Variants in HGS observed in about 807,000 individuals in gnomAD.
HGS encodes hepatocyte growth factor-regulated tyrosine kinase substrate.
A neutral mutation model predicts 109.7 loss-of-function variants in HGS; 63 were observed. The observed-to-expected ratio is 0.57, with a 90% CI of 0.47 to 0.71. The LOEUF is 0.71. Ranked by LOEUF, HGS falls within the 30% of genes least tolerant of loss-of-function variation. HGS has a pLI of 0.00. For synonymous variants in HGS, 546 were observed against 437.3 expected (o/e 1.25, Z -3.10); for missense variants, 995 against 1,068.3 (o/e 0.93, Z 0.96).
chr17:81,688,692 C>T lies in HGS; in HGVS notation c.292-12C>T. The T allele has an allele frequency of 1.2e-6, 2 of 1,613,352 alleles. No individual in the cohort carries two copies. Among genetic ancestry groups the T allele is most frequent in the Non-Finnish European group, 1.7e-6 (2 of 1,179,710 alleles). ...TGTCCTGCGACCCTCACCCCCTTCT[C>T]CCTGCCTGCAGAGACAAGTGGAGGT... On this transcript the variant is annotated splice_polypyrimidine_tract_variant and intron_variant, in intron 4 of 21. Coordinates refer to ENST00000329138, the MANE Select transcript of HGS (RefSeq NM_004712.5).
In HGS at chr17:81,696,809, C is replaced by CT. The variant is rs746775345; in HGVS notation, c.1708-14dup. On this transcript the variant is annotated splice_polypyrimidine_tract_variant and intron_variant, in intron 17 of 21. Coordinates refer to ENST00000329138, the MANE Select transcript of HGS (RefSeq NM_004712.5). ...GCTGAGGACCAACTCTCACCGCTGTCTCTTTTGTCCCCAGCTCCAGGCCAT... is the reference window on the plus strand; with the variant it reads ...GCTGAGGACCAACTCTCACCGCTGTCTTCTTTTGTCCCCAGCTCCAGGCCAT... 7.9e-5 allele frequency: 126 copies of CT among 1,603,652 alleles called. No individual in the cohort carries two copies. Among genetic ancestry groups the CT allele is most frequent in the Non-Finnish European group, 1.1e-4 (125 of 1,173,366 alleles).
chr17:81,689,344 CG>C (rs972675316), intron 5 of HGS, among the ~76,000 whole-genome samples: 8 of 152,210 alleles, frequency 5.3e-5, no homozygotes, highest in Admixed American at 5.2e-4. Context: ...TTGCTGTCAG[CG>C]CAGCAGGAGG....
rs760870752 is a variant in HGS, at chr17:81,686,306, T to A, written c.123-6T>A. On this transcript the variant is annotated splice_region_variant and splice_polypyrimidine_tract_variant and intron_variant, in intron 2 of 21. Transcript: ENST00000329138. ...TTCTCTGCTTTTATCAATGTTTCCT[T>A]TTCAGAGCAAAATATGCTGTGAATT... is the stretch of plus-strand genomic sequence containing the variant. The A allele has an allele frequency of 6.2e-7, 1 of 1,612,390 alleles. No individual in the cohort carries two copies. Among genetic ancestry groups the A allele is most frequent in the Admixed American group, 1.7e-5 (1 of 59,972 alleles).
At chr17:81,690,866 C>T (rs1044513033) in intron 7 of HGS, 124 bp downstream of exon 7, 7 of 775,414 alleles carry the variant, frequency 9.0e-6, no homozygotes, top group South Asian at 3.7e-5. Flanking sequence ...GAGTGCAGCT[C>T]GCAGCGGGTG....
intron 5 of HGS, 49 bp from the exon 6 acceptor site, chr17:81,690,133 C>G: frequency 3.1e-6 from 5 of 1,589,770 alleles, no homozygotes; most frequent in Non-Finnish European, 4.3e-6. Flanking sequence ...TCCCGGAAGT[C>G]TTGCAGGCCA....
chr17:81,696,710 G>A lies in HGS; in HGVS notation c.1670G>A (p.Arg557His), dbSNP rs796075234. Residue 557 changes from arginine (R) to histidine (H), a missense_variant, in exon 17 of 22, where the codon CGC (arginine) becomes CAC (histidine). This residue lies in a region of HGS where 163 missense variants were observed against 217.8 expected (regional missense o/e 0.75). Coordinates refer to ENST00000329138, the MANE Select transcript of HGS (RefSeq NM_004712.5). Reference sequence around the variant, plus strand: ...CAGCAGAAGCAGACGGTCCAGATGCGCGCGCAGATGCCCGCCTTCCCCCTG... The same window carrying A: ...CAGCAGAAGCAGACGGTCCAGATGCACGCGCAGATGCCCGCCTTCCCCCTG... ...LEQQKQTVQMRAQMPAFPLPY... is the reference protein window; with the variant it reads ...LEQQKQTVQMHAQMPAFPLPY... 2 of 1,608,804 alleles carry A rather than the reference G, an allele frequency of 1.2e-6. No individual in the cohort carries two copies. The highest frequency in any genetic ancestry group is 1.7e-6 in the Non-Finnish European group (2 of 1,177,694).
chr17:81,684,850 C>G (rs1033672060), intron 1 of HGS: 1 of 967,740 alleles, frequency 1.0e-6, no homozygotes, highest in African/African-American at 1.8e-5. Flanking sequence ...ACCTTCCTTG[C>G]CAAGGGAACC....
At chr17:81,696,315 C>T (rs1568217657) in intron 15 of HGS, 42 bp from the exon 16 acceptor site, 1 of 1,489,998 alleles carries the variant, frequency 6.7e-7, no homozygotes. Flanking sequence ...CTTCTCGGCA[C>T]TGTGCCGGAG....
chr17:81,695,692 G>A, intron 14 of HGS, 94 bp from the exon 15 acceptor site: 1 of 1,124,794 alleles, frequency 8.9e-7, no homozygotes, highest in Non-Finnish European at 1.3e-6. Context: ...TCTGCTCCAG[G>A]CTTGAGTATA....
intron 1 of HGS, among the ~76,000 whole-genome samples, chr17:81,684,636 A>C (rs1425916396): frequency 6.6e-6 from 1 of 152,072 alleles, no homozygotes; most frequent in Non-Finnish European, 1.5e-5. Context: ...GCGTTTTCTC[A>C]CGTTTTTGGA....
chr17:81,688,753 C>G lies in HGS; in HGVS notation c.341C>G (p.Ala114Gly). The G allele has an allele frequency of 6.2e-7, 1 of 1,614,114 alleles. No homozygotes were observed. Among genetic ancestry groups the G allele is most frequent in the Middle Eastern group, 1.6e-4 (1 of 6,062 alleles). The change falls in exon 5 of 22, where the codon GCC becomes GGC. Residue 114 changes from alanine to glycine, a missense_variant. Ala to Gly is a moderately conservative substitution (Grantham distance 60, BLOSUM62 0). Around this residue, in one of 6 missense-constraint regions of HGS, gnomAD observed 182 missense variants for 261.3 expected, o/e 0.70. Transcript: ENST00000329138. The part of the protein sequence containing the change: ...VRNKILYLIQ[A>G]WAHAFRNEPK... ...AACAAGATCCTGTACCTGATCCAGG[C>G]CTGGGCGCATGCCTTCCGGAACGAG... is the stretch of plus-strand genomic sequence containing the variant.
intron 18 of HGS, among the ~76,000 whole-genome samples, chr17:81,699,925 C>T (rs183202136): frequency 6.7e-6 from 1 of 149,718 alleles, no homozygotes; most frequent in Non-Finnish European, 1.5e-5. Flanking sequence ...AATACAAAAA[C>T]TTAGCTGGGT....
chr17:81,694,014 T>C, intron 11 of HGS, 49 bp downstream of exon 11: 2 of 1,505,162 alleles, frequency 1.3e-6, no homozygotes, highest in Admixed American at 3.9e-5. Context: ...GCAGTAGGGT[T>C]GATGGGGGAC....
intron 15 of HGS, 34 bp downstream of exon 15, chr17:81,696,033 GGCA>G: frequency 6.6e-7 from 1 of 1,514,354 alleles, no homozygotes; most frequent in Non-Finnish European, 8.9e-7. Context: ...TCGGCTCAGG[GGCA>G]GCCAGGTGTT....
At chr17:81,696,775 G>T in intron 17 of HGS, 28 bp downstream of exon 17, 1 of 1,602,184 alleles carries the variant, frequency 6.2e-7, no homozygotes, top group East Asian at 2.2e-5. Context: ...GCCACCCAGA[G>T]GCTTGTGGGC....
chr17:81,688,508 G>C (rs2037016060), intron 4 of HGS, among the ~76,000 whole-genome samples, 196 bp from the exon 5 acceptor site: 2 of 152,206 alleles, frequency 1.3e-5, no homozygotes, highest in Admixed American at 6.5e-5. Context: ...AGCAAGTAGA[G>C]GCAGGCGTGA....
intron 9 of HGS, 34 bp downstream of exon 9, chr17:81,693,615 TC>T: frequency 6.5e-7 from 1 of 1,539,698 alleles, no homozygotes; most frequent in Non-Finnish European, 8.9e-7. Flanking sequence ...GGGCACCTCT[TC>T]CCCGGCGCCC....
intron 18 of HGS, among the ~76,000 whole-genome samples, chr17:81,699,107 C>G (rs746264357): frequency 6.6e-6 from 1 of 151,978 alleles, no homozygotes; most frequent in Admixed American, 6.6e-5. Flanking sequence ...CCAGTACTTG[C>G]AATTTTAATC....
intron 4 of HGS, among the ~76,000 whole-genome samples, chr17:81,687,544 G>C (rs773500587): frequency 3.9e-5 from 6 of 152,196 alleles, no homozygotes. Flanking sequence ...TTGTAAGATC[G>C]GATGTGTCTG....
Sources: gnomAD v4.1 joint callset for allele counts (sites outside exome capture counted in the v4.1 genomes callset) on GRCh38, gnomAD v4.1.1 for gene constraint, gnomAD v4.1.1 regional missense constraint, MANE v1.5 for transcripts, NCBI Gene and HGNC (gene_info 2026-07-23, HGNC 2026-07-21) for gene names.